The following USP7 variants were observed in gnomAD, a reference collection of about 807,000 sequenced individuals.
USP7 encodes ubiquitin specific peptidase 7, also known as ubiquitin C-terminal hydrolase 7.
A neutral mutation model predicts 162.9 loss-of-function variants in USP7; 9 were observed. The observed-to-expected ratio is 0.06, with a 90% CI of 0.03 to 0.10. The LOEUF (loss-of-function observed/expected upper bound fraction) is 0.10. Ranked by LOEUF, USP7 falls within the 10% of genes least tolerant of loss-of-function variation. The pLI is 1.00. For missense variants in USP7, 715 were observed against 1,373.7 expected, an observed-to-expected ratio of 0.52 and a Z score of 7.58; for synonymous variants, 562 against 475.9, an observed-to-expected ratio of 1.18 and a Z score of -2.35.
At chr16:8,929,126 G>A (rs1423646003) in intron 2 of USP7, among the ~76,000 whole-genome samples, 1 of 152,160 alleles carries the variant, frequency 6.6e-6, no homozygotes, top group Non-Finnish European at 1.5e-5. Flanking sequence ...TTCCGATAGG[G>A]CAGGGCCTGT....
At chr16:8,959,304 T>C (rs988442581) in intron 1 of USP7, among the ~76,000 whole-genome samples, 3 of 151,056 alleles carry the variant, frequency 2.0e-5, no homozygotes, top group African/African-American at 7.3e-5. Flanking sequence ...CAGTCTGTTA[T>C]ACCATGAATT....
chr16:8,921,563 A>ACCTCTGCT (rs2141212195), intron 3 of USP7, among the ~76,000 whole-genome samples: 3 of 152,278 alleles, frequency 2.0e-5, no homozygotes, highest in Admixed American at 2.0e-4. Flanking sequence ...CTTTCATTGT[A>ACCTCTGCT]TCTATACAAT....
At chr16:8,956,283 A>G (rs1596417551) in intron 1 of USP7, 1 of 152,182 alleles carries the variant, frequency 6.6e-6, no homozygotes, top group Non-Finnish European at 1.5e-5. Context: ...TAGATTCTCA[A>G]TGACCCAAAG....
At chr16:8,904,604 G>C in intron 14 of USP7, 39 bp from the exon 15 acceptor site, 1 of 1,605,578 alleles carries the variant, frequency 6.2e-7, no homozygotes. Flanking sequence ...CCTGCAGATG[G>C]ACTTTCCCCT....
chr16:8,898,870 C>T, intron 23 of USP7: 1 of 614,882 alleles, frequency 1.6e-6, no homozygotes, highest in East Asian at 2.8e-5. Flanking sequence ...GCAGGACTGA[C>T]CAGCTGGACA....
intron 1 of USP7, among the ~76,000 whole-genome samples, chr16:8,948,437 G>A (rs993099805): frequency 2.6e-5 from 4 of 152,038 alleles, no homozygotes; most frequent in African/African-American, 9.7e-5. Flanking sequence ...CACCGGCCTC[G>A]GCCTCCCAAA....
chr16:8,899,516 T>C, intron 22 of USP7, 88 bp downstream of exon 22: 1 of 1,520,810 alleles, frequency 6.6e-7, no homozygotes, highest in South Asian at 1.2e-5. Flanking sequence ...ACCAAAACCA[T>C]GAGATAGCTT....
At chr16:8,930,848 A>C (rs1454389239) in intron 1 of USP7, among the ~76,000 whole-genome samples, 2 of 152,098 alleles carry the variant, frequency 1.3e-5, no homozygotes, top group Non-Finnish European at 2.9e-5. Context: ...GCATGCCCGC[A>C]ATCCCAACTA....
At position 8,955,564 on chromosome 16, in the gene USP7, G is replaced by T. The variant is rs769287084; in HGVS notation, c.79+7643C>A. Among the ~76,000 whole-genome samples, 3 of 152,042 alleles carry T rather than the reference G, an allele frequency of 2.0e-5. No homozygotes were observed. The East Asian group carries it at 5.8e-4, about 29-fold the overall frequency. On this transcript the variant is annotated intron_variant, in intron 1 of 30. Coordinates refer to ENST00000344836, the MANE Select transcript of USP7 (RefSeq NM_003470.3). Reference sequence around the variant, plus strand: ...CTACTAAAATACAAAAAATTAGCCGGGCATGGCGGCGCGCCCCTGTAGTCC... The same window carrying T: ...CTACTAAAATACAAAAAATTAGCCGTGCATGGCGGCGCGCCCCTGTAGTCC...
In USP7 at chr16:8,906,509, T is replaced by C; in HGVS notation, c.1345A>G (p.Ile449Val). Residue 449 changes from isoleucine to valine, a missense_variant, in exon 13 of 31, where the codon ATT becomes GTT. Transcript: ENST00000344836. Reference protein sequence around the residue: ...KTDPKDPANYILHAVLVHSGD... With the variant: ...KTDPKDPANYVLHAVLVHSGD... ...CTATGAACCAGGACTGCATGAAGAA[T>C]ATAATTTGCAGGGTCCTTAGGATCT... 1 of 1,613,450 alleles carries C rather than the reference T, an allele frequency of 6.2e-7. No homozygotes were observed. Among genetic ancestry groups the C allele is most frequent in the Non-Finnish European group, 8.5e-7 (1 of 1,180,040 alleles).
chr16:8,915,153 G>T, intron 10 of USP7, 101 bp downstream of exon 10: 1 of 1,110,244 alleles, frequency 9.0e-7, no homozygotes, highest in Non-Finnish European at 1.3e-6. Context: ...GCCATTCTCT[G>T]TGTTTAGACT....
intron 2 of USP7, among the ~76,000 whole-genome samples, chr16:8,924,201 C>T (rs764274530): frequency 9.2e-5 from 14 of 152,312 alleles, no homozygotes; most frequent in African/African-American, 3.1e-4. Context: ...ATGTGGCCAT[C>T]GGTCAATCAC....
chr16:8,930,537 A>G (rs1898259641), intron 1 of USP7, 140 bp from the exon 2 acceptor site: 2 of 605,380 alleles, frequency 3.3e-6, no homozygotes, highest in South Asian at 5.8e-5. Flanking sequence ...ATTCTAATCC[A>G]AAAAATATTT....
chr16:8,900,685 G>T, intron 20 of USP7, 55 bp from the exon 21 acceptor site: 1 of 1,292,194 alleles, frequency 7.7e-7, no homozygotes, highest in South Asian at 1.3e-5. Flanking sequence ...CGTTTAATAT[G>T]GCCAGATAGT....
chr16:8,931,805 C>G (rs563316050), intron 1 of USP7, among the ~76,000 whole-genome samples: 3 of 152,298 alleles, frequency 2.0e-5, no homozygotes, highest in African/African-American at 7.2e-5. Context: ...GTTCACACAT[C>G]CCATTTAAAT....
chr16:8,950,166 A>T (rs1320390776), intron 1 of USP7, among the ~76,000 whole-genome samples: 2 of 152,208 alleles, frequency 1.3e-5, no homozygotes, highest in African/African-American at 2.4e-5. Flanking sequence ...AAAAAACCAA[A>T]TATTTATGTA....
chr16:8,961,965 C>A (rs1900034094), intron 1 of USP7, among the ~76,000 whole-genome samples: 1 of 152,192 alleles, frequency 6.6e-6, no homozygotes, highest in African/African-American at 2.4e-5. Context: ...TGCAGAATCC[C>A]AGCCACTTTG....
At position 8,894,814 on chromosome 16, in the gene USP7, C is replaced by A. The variant is rs1439764247; in HGVS notation, c.3081G>T (p.Leu1027=). 3 of 1,614,246 alleles carry A rather than the reference C, an allele frequency of 1.9e-6. No individual in the cohort carries two copies. The highest frequency in any genetic ancestry group is 1.7e-5 in the Admixed American group (1 of 60,030). The part of the protein sequence containing the change: ...FREVMKRIQS[L]LDIQEKEFEK... ...CAAACTCCTTCTCCTGGATGTCCAG[C>A]AGGCTCTGGATTCGCTTCATCACTT... The change falls in exon 29 of 31, where the codon CTG becomes CTT. Residue 1027 remains leucine (L), a synonymous_variant. Transcript: ENST00000344836.
intron 10 of USP7, among the ~76,000 whole-genome samples, chr16:8,914,220 A>AC (rs1243007199): frequency 6.6e-6 from 1 of 152,080 alleles, no homozygotes; most frequent in Non-Finnish European, 1.5e-5. Context: ...GGAAATACAA[A>AC]CTAAAATGCA....
Sources: gnomAD v4.1 joint callset for allele counts (sites outside exome capture counted in the v4.1 genomes callset) on GRCh38, gnomAD v4.1.1 for gene constraint, MANE v1.5 for transcripts, NCBI Gene and HGNC (gene_info 2026-07-23, HGNC 2026-07-21) for gene names.